Variants in PPP2R5C observed in about 807,000 individuals in gnomAD.
PPP2R5C encodes the protein serine/threonine-protein phosphatase 2A 56 kDa regulatory subunit gamma isoform.
PPP2R5C carries 7 observed loss-of-function variants against 68.9 expected under a neutral mutation model. The ratio of observed to expected loss-of-function variants is 0.10; its 90% CI spans 0.06 to 0.19. The LOEUF (loss-of-function observed/expected upper bound fraction) is 0.19, where lower values mean the gene tolerates loss of function less well. Ranked by LOEUF, PPP2R5C falls within the 10% of genes least tolerant of loss-of-function variation. PPP2R5C has a pLI of 1.00. For missense variants in PPP2R5C, 348 were observed against 641.3 expected (o/e 0.54, Z 4.94); for synonymous variants, 210 against 222.2 (o/e 0.95, Z 0.49).
At chr14:101,856,971 C>A in intron 2 of PPP2R5C, 86 bp downstream of exon 4, 1 of 1,284,858 alleles carries the variant, frequency 7.8e-7, no homozygotes, top group Non-Finnish European at 1.1e-6. Context: ...CACAGTGCTA[C>A]CCAGGAGAAG....
Position 101,781,553 on chromosome 14 carries a change from C to G in PPP2R5C, c.94-4465C>G, listed in dbSNP as rs549584261. ...CTTCCTGGGCGCCTGACGCACCCCT[C>G]TGCCCCAACCACGTTTTCTCAAGAG... On this transcript the variant is annotated intron_variant, in intron 2 of 14. Transcript: ENST00000328724. This position sits in a 1 kb window ranked among gnomAD's most constrained non-coding sequence, Gnocchi z 6.4. Among the ~76,000 whole-genome samples the G allele has an allele frequency of 1.4e-3, 217 of 152,160 alleles. 1 individual carries two copies. The highest frequency in any genetic ancestry group is 1.4e-3 in the Non-Finnish European group (98 of 67,954).
intron 3 of PPP2R5C, among the ~76,000 whole-genome samples, chr14:101,790,732 T>A (rs777059727): frequency 3.9e-5 from 6 of 152,184 alleles, no homozygotes; most frequent in Non-Finnish European, 8.8e-5. Flanking sequence ...TTCTCTTGAG[T>A]AGATACCTAG....
upstream of PPP2R5C, among the ~76,000 whole-genome samples, chr14:101,761,631 T>G (rs1006168316): frequency 0.19 from 2,219 of 11,970 alleles, no homozygotes; most frequent in Middle Eastern, 0.33. Flanking sequence ...GGCCGGGGGG[T>G]GGGAGGAGAG....
intron 3 of PPP2R5C, among the ~76,000 whole-genome samples, chr14:101,798,898 AC>A (rs1566847221): frequency 1.3e-5 from 2 of 152,128 alleles, no homozygotes; most frequent in East Asian, 3.9e-4. Flanking sequence ...ATCATGGGGG[AC>A]CTGGAATGGG....
chr14:101,883,634 C>G (rs1249193839), intron 5 of PPP2R5C, 72 bp downstream of exon 7: 4 of 1,544,902 alleles, frequency 2.6e-6, no homozygotes, highest in Non-Finnish European at 2.6e-6. Context: ...CTCCCCTACC[C>G]CATCGTCTCC....
intron 5 of PPP2R5C, among the ~76,000 whole-genome samples, chr14:101,885,864 ATTTAAAT>A (rs1318148239): frequency 6.6e-6 from 1 of 152,266 alleles, no homozygotes; most frequent in East Asian, 1.9e-4. Flanking sequence ...AACAGGTACA[ATTTAAAT>A]TTCCAGTCTT....
At position 101,831,272 on chromosome 14, in the gene PPP2R5C, A is replaced by G. The variant is rs564495769; in HGVS notation, c.94+21236A>G. 5.3e-5 allele frequency among the ~76,000 whole-genome samples: 8 copies of G among 152,352 alleles called. No homozygotes were observed. In the South Asian group the frequency reaches 1.7e-3, roughly 32 times the overall value. On this transcript the variant is annotated intron_variant, in intron 1 of 13. Coordinates refer to ENST00000334743, the Ensembl canonical transcript of PPP2R5C. Reference sequence around the variant, plus strand: ...TGGCATGGATATCTTAATGTATAAAACATGCTTATATTTATATATGACATT... The same window carrying G: ...TGGCATGGATATCTTAATGTATAAAGCATGCTTATATTTATATATGACATT...
At chr14:101,787,568 C>T (rs1298400350) in intron 3 of PPP2R5C, among the ~76,000 whole-genome samples, 5 of 149,476 alleles carry the variant, frequency 3.3e-5, no homozygotes, top group Admixed American at 1.3e-4. Flanking sequence ...TCAAGACCAT[C>T]CTGGCTAACA....
At chr14:101,885,804 T>A (rs1189003791) in intron 5 of PPP2R5C, among the ~76,000 whole-genome samples, 1 of 152,272 alleles carries the variant, frequency 6.6e-6, no homozygotes, top group Non-Finnish European at 1.5e-5. Context: ...AGATCATTAC[T>A]TGCCTGGTAT....
chr14:101,901,038 G>C (rs1428018654), intron 8 of PPP2R5C, among the ~76,000 whole-genome samples: 1 of 152,218 alleles, frequency 6.6e-6, no homozygotes, highest in African/African-American at 2.4e-5. Context: ...CACTCCTTTT[G>C]ATATATTTTA....
intron 2 of PPP2R5C, among the ~76,000 whole-genome samples, chr14:101,770,885 C>G (rs2037110774): frequency 6.6e-6 from 1 of 152,236 alleles, no homozygotes; most frequent in Non-Finnish European, 1.5e-5. Flanking sequence ...TGATGTTTTC[C>G]TAAATCACAG....
chr14:101,847,282 C>T (rs2041886687), intron 1 of PPP2R5C, among the ~76,000 whole-genome samples: 1 of 152,182 alleles, frequency 6.6e-6, no homozygotes. Flanking sequence ...CAATTGTTCT[C>T]GTTTTGAAGA....
chr14:101,821,402 T>C (rs1452028250), intron 1 of PPP2R5C, among the ~76,000 whole-genome samples: 3 of 138,460 alleles, frequency 2.2e-5, no homozygotes, highest in Non-Finnish European at 3.1e-5. Flanking sequence ...GCCTGGAGTT[T>C]GCTGTGTGTC....
intron 13 of PPP2R5C, among the ~76,000 whole-genome samples, chr14:101,919,980 A>AAC (rs1555403924): frequency 4.4e-5 from 5 of 114,144 alleles, no homozygotes; most frequent in South Asian, 2.3e-4. Context: ...AAAAAAAAAA[A>AAC]AAAAAAAAAA....
intron 2 of PPP2R5C, among the ~76,000 whole-genome samples, chr14:101,881,850 T>TGC (rs2044191405): frequency 2.1e-4 from 32 of 152,370 alleles, no homozygotes; most frequent in Admixed American, 2.1e-3. Flanking sequence ...CTGGATAGTA[T>TGC]AAGACCTCAG....
chr14:101,874,410 C>T (rs1012852813), intron 2 of PPP2R5C, among the ~76,000 whole-genome samples: 2 of 152,148 alleles, frequency 1.3e-5, no homozygotes, highest in Non-Finnish European at 2.9e-5. Context: ...TGAAATTTTT[C>T]GTAATAAAAA....
exon 1 of PPP2R5C, chr14:101,809,939 C>G: frequency 2.5e-6 from 4 of 1,613,364 alleles, no homozygotes; most frequent in Non-Finnish European, 3.4e-6. Context: ...CCGCTGAAGT[C>G]TAGATGTTGA....
rs1247346690 is a variant in PPP2R5C, at chr14:101,917,051, C to T, written c.1327-780C>T. On this transcript the variant is annotated intron_variant, in intron 12 of 13. Transcript: ENST00000334743. This position sits in a 1 kb window ranked among gnomAD's most constrained non-coding sequence, Gnocchi z 4.4. ...CGCCTGTGCCCTCAGAGCCAGCAGA[C>T]GCTCGTCACAGTCATACTGTCCTGT... Among the ~76,000 whole-genome samples, 9 of 152,298 alleles carry T rather than the reference C, an allele frequency of 5.9e-5. No homozygotes were observed. Among genetic ancestry groups the T allele is most frequent in the African/African-American group, 9.6e-5 (4 of 41,546 alleles).
At position 101,768,652 on chromosome 14, in the gene PPP2R5C, C is replaced by T. The variant is rs537742689; in HGVS notation, c.93+5682C>T. On this transcript the variant is annotated intron_variant, in intron 2 of 14. Coordinates refer to the PPP2R5C transcript ENST00000328724. Reference sequence around the variant, plus strand: ...TTTCGTATGTGTAGCCTGTGAAAAACTCCCCATAATGACGCTTTAAAGGGC... The same window carrying T: ...TTTCGTATGTGTAGCCTGTGAAAAATTCCCCATAATGACGCTTTAAAGGGC... Among the ~76,000 whole-genome samples, 5 of 152,120 alleles carry T rather than the reference C, an allele frequency of 3.3e-5. No individual in the cohort carries two copies. In the South Asian group the frequency reaches 1.0e-3, roughly 32 times the overall value.
Sources: allele counts gnomAD v4.1 joint callset (sites outside exome capture counted in the v4.1 genomes callset), GRCh38; gene constraint gnomAD v4.1.1; non-coding constraint Gnocchi (gnomAD v3.1); transcripts MANE v1.5; gene names NCBI Gene and HGNC (gene_info 2026-07-23, HGNC 2026-07-21).